Variants in ENTHD1 observed in about 807,000 individuals in gnomAD.
ENTHD1 encodes ENTH domain-containing protein 1.
A neutral mutation model predicts 39.1 loss-of-function variants in ENTHD1; 23 were observed. The ratio of observed to expected loss-of-function variants is 0.59; its 90% CI spans 0.42 to 0.83. ENTHD1 has a LOEUF of 0.83. Among genes scored for constraint, ENTHD1 ranks in the 40% least tolerant of loss-of-function variants. The pLI, the probability that ENTHD1 is intolerant of heterozygous loss-of-function variation, is 0.00. For synonymous variants in ENTHD1, 230 were observed against 258.2 expected (o/e 0.89, Z 1.05); for missense variants, 624 against 705.4 (o/e 0.88, Z 1.31).
chr22:39,783,535 AT>A (rs2146589207), intron 5 of ENTHD1, among the ~76,000 whole-genome samples: 1 of 152,052 alleles, frequency 6.6e-6, no homozygotes, highest in African/African-American at 2.4e-5. Context: ...ATCAGCGTGA[AT>A]AAAAAAACAG....
At chr22:39,791,341 G>T (rs1362797325) in intron 5 of ENTHD1, among the ~76,000 whole-genome samples, 1 of 148,646 alleles carries the variant, frequency 6.7e-6, no homozygotes, top group East Asian at 1.9e-4. Flanking sequence ...TATATATAAA[G>T]ATATATTAAA....
chr22:39,857,972 T>C (rs2066108819), intron 3 of ENTHD1, among the ~76,000 whole-genome samples: 1 of 152,108 alleles, frequency 6.6e-6, no homozygotes, highest in South Asian at 2.1e-4. Flanking sequence ...CTGCTGAAGG[T>C]TGGGAAAGCT....
intron 5 of ENTHD1, among the ~76,000 whole-genome samples, chr22:39,805,821 A>G (rs923076524): frequency 2.0e-5 from 3 of 152,038 alleles, no homozygotes; most frequent in African/African-American, 7.2e-5. Flanking sequence ...TTTTTTTTGA[A>G]TTACAGACAT....
chr22:39,766,128 A>C (rs2065276507), intron 5 of ENTHD1, among the ~76,000 whole-genome samples: 1 of 151,960 alleles, frequency 6.6e-6, no homozygotes, highest in South Asian at 2.1e-4. Flanking sequence ...GGCACATTAA[A>C]GAAACTCAGT....
intron 4 of ENTHD1, among the ~76,000 whole-genome samples, chr22:39,822,011 C>A (rs74434450): frequency 6.6e-6 from 1 of 152,236 alleles, no homozygotes; most frequent in African/African-American, 2.4e-5. Context: ...AGTATTCAGA[C>A]GACAGCAATC....
chr22:39,765,601 G>A lies in ENTHD1; in HGVS notation c.841C>T (p.Pro281Ser). The A allele has an allele frequency of 6.2e-7, 1 of 1,603,518 alleles. No individual in the cohort carries two copies. The stretch of plus-strand genomic sequence containing the variant: ...GAAGGACTATTTTCTGAGAGAGTAG[G>A]CACAGCATCTATAAAAGAACAAATA... ...VCNLSGADAV[P>S]TLSENSPSGQ... The change falls in exon 6 of 7, where the codon CCT becomes TCT. Residue 281 changes from proline (P) to serine (S), a missense_variant. Coordinates refer to ENST00000325157, the MANE Select transcript of ENTHD1 (RefSeq NM_152512.4).
Position 39,887,778 on chromosome 22 carries a change from G to T in ENTHD1, c.-30C>A. 2 of 1,468,658 alleles carry T rather than the reference G, an allele frequency of 1.4e-6. No individual in the cohort carries two copies. Among genetic ancestry groups the T allele is most frequent in the Non-Finnish European group, 9.2e-7 (1 of 1,090,262 alleles). The allele number at this position is 1,468,658 out of a possible 1,614,324, so 91.0% of individuals were successfully genotyped here. ...AATACAAGTTCCAAGGTGAGATGGA[G>T]GATGAAAGCAATGGAATAACAGTTT... On this transcript the variant is annotated 5_prime_UTR_variant, in exon 2 of 7. Coordinates refer to ENST00000325157, the MANE Select transcript of ENTHD1 (RefSeq NM_152512.4).
At chr22:39,755,629 G>A (rs957256532) in intron 6 of ENTHD1, among the ~76,000 whole-genome samples, 1 of 152,122 alleles carries the variant, frequency 6.6e-6, no homozygotes, top group East Asian at 1.9e-4. Flanking sequence ...ACTTGTTCCT[G>A]AGCATAAAAT....
At chr22:39,876,275 T>A (rs1332272903) in intron 2 of ENTHD1, among the ~76,000 whole-genome samples, 1 of 152,254 alleles carries the variant, frequency 6.6e-6, no homozygotes, top group African/African-American at 2.4e-5. Flanking sequence ...TAATGTTGAA[T>A]ACTTTCAGGC....
chr22:39,779,588 C>T (rs1044807587), intron 5 of ENTHD1, among the ~76,000 whole-genome samples: 55 of 151,320 alleles, frequency 3.6e-4, no homozygotes, highest in African/African-American at 1.3e-3. Flanking sequence ...AGGTATAAAA[C>T]CCACTGGCAA....
At chr22:39,843,158 C>T (rs2065958166) in intron 3 of ENTHD1, among the ~76,000 whole-genome samples, 1 of 152,138 alleles carries the variant, frequency 6.6e-6, no homozygotes, top group Non-Finnish European at 1.5e-5. Flanking sequence ...GACACATGCA[C>T]ATGTATGTTT....
At chr22:39,768,525 A>G (rs1039683194) in intron 5 of ENTHD1, among the ~76,000 whole-genome samples, 3 of 152,088 alleles carry the variant, frequency 2.0e-5, no homozygotes, top group African/African-American at 7.2e-5. Context: ...TCTAGAAGCT[A>G]TTTCCAATCA....
At chr22:39,830,484 A>T (rs1040647052) in intron 4 of ENTHD1, among the ~76,000 whole-genome samples, 1 of 152,126 alleles carries the variant, frequency 6.6e-6, no homozygotes, top group Non-Finnish European at 1.5e-5. Flanking sequence ...TGAATCCGAT[A>T]CCTAATTGGG....
At chr22:39,805,993 C>T (rs910298198) in intron 5 of ENTHD1, among the ~76,000 whole-genome samples, 15 of 152,144 alleles carry the variant, frequency 9.9e-5, no homozygotes, top group African/African-American at 3.6e-4. Flanking sequence ...ACTAAGACAG[C>T]TCCTCAGTCT....
chr22:39,860,632 G>T (rs1001708358), intron 3 of ENTHD1, among the ~76,000 whole-genome samples: 1 of 152,210 alleles, frequency 6.6e-6, no homozygotes, highest in Non-Finnish European at 1.5e-5. Flanking sequence ...TTTTTAGCAA[G>T]CTTAACTTGT....
intron 3 of ENTHD1, among the ~76,000 whole-genome samples, chr22:39,838,011 T>C (rs781771703): frequency 5.3e-5 from 8 of 152,234 alleles, no homozygotes; most frequent in Non-Finnish European, 1.0e-4. Context: ...TGGTAAATAT[T>C]TTCCAAAAAT....
intron 2 of ENTHD1, among the ~76,000 whole-genome samples, chr22:39,877,117 A>C (rs1402281192): frequency 6.6e-6 from 1 of 152,120 alleles, no homozygotes; most frequent in Admixed American, 6.5e-5. Flanking sequence ...TATGGTGCCC[A>C]CTCCTGTGAG....
At chr22:39,775,156 T>C (rs1378186614) in intron 5 of ENTHD1, among the ~76,000 whole-genome samples, 1 of 152,206 alleles carries the variant, frequency 6.6e-6, no homozygotes. Context: ...AAATACTAAG[T>C]ACAAGGATGT....
rs555339126 is a variant in ENTHD1, at chr22:39,783,912, G to A, written c.833-18303C>T. On this transcript the variant is annotated intron_variant, in intron 5 of 6. Transcript: ENST00000325157. ...ATTTAGACAAATGGAATTACATCAA[G>A]CTAAAAAGCTTCTGCACAGCAAAGG... Among the ~76,000 whole-genome samples, 10 of 152,090 alleles carry A rather than the reference G, an allele frequency of 6.6e-5. No homozygotes were observed. In the East Asian group the frequency reaches 1.9e-3, roughly 29 times the overall value.
Sources: gnomAD v4.1 joint callset for allele counts (sites outside exome capture counted in the v4.1 genomes callset) on GRCh38, gnomAD v4.1.1 for gene constraint, MANE v1.5 for transcripts, NCBI Gene and HGNC (gene_info 2026-07-23, HGNC 2026-07-21) for gene names.